GRID2: variants seen among roughly 807,000 people sequenced by gnomAD.
GRID2 encodes the protein glutamate ionotropic receptor delta type subunit 2, also known as glutamate receptor ionotropic, delta-2.
A neutral mutation model predicts 114.8 loss-of-function variants in GRID2; 33 were observed. The observed-to-expected ratio is 0.29, with a 90% CI of 0.22 to 0.38. The LOEUF (loss-of-function observed/expected upper bound fraction) is 0.38, where lower values mean the gene tolerates loss of function less well. GRID2 is among the 10% of genes least tolerant of loss of function. The pLI is 1.00. For synonymous variants in GRID2, 505 were observed against 449.9 expected (o/e 1.12, Z -1.55); for missense variants, 1,184 against 1,257.7 (o/e 0.94, Z 0.89).
chr4:93,213,117 A>G (rs1579309194), intron 5 of GRID2, among the ~76,000 whole-genome samples: 1 of 152,016 alleles, frequency 6.6e-6, no homozygotes, highest in Admixed American at 6.6e-5. Flanking sequence ...AAAAGCCTAT[A>G]TGTGTAATGG....
intron 4 of GRID2, among the ~76,000 whole-genome samples, chr4:93,124,114 A>G (rs1446103662): frequency 2.6e-4 from 26 of 98,646 alleles, no homozygotes; most frequent in African/African-American, 1.1e-3. Flanking sequence ...AATAAAAAAA[A>G]AAGAAAAAAA....
chr4:93,689,097 C>T (rs940959742), intron 14 of GRID2, among the ~76,000 whole-genome samples: 2 of 151,890 alleles, frequency 1.3e-5, no homozygotes, highest in Non-Finnish European at 2.9e-5. Context: ...AGAGAGAAGA[C>T]GACGTGAAGA....
Position 92,950,700 on chromosome 4 carries a change from C to G in GRID2, c.245-134295C>G, listed in dbSNP as rs114603232. Among the ~76,000 whole-genome samples, 987 of 152,216 alleles carry G rather than the reference C, an allele frequency of 6.5e-3. 5 individuals carry two copies. Among genetic ancestry groups the G allele is most frequent in the Middle Eastern group, 0.048 (14 of 292 alleles). On this transcript the variant is annotated intron_variant, in intron 2 of 15. Coordinates refer to ENST00000282020, the MANE Select transcript of GRID2 (RefSeq NM_001510.4). The stretch of plus-strand genomic sequence containing the variant: ...AAATCATCAGCCATGAAAATTGGTC[C>G]TTAATTTTGTCTTTACTTTCCATTA...
chr4:93,583,633 G>C (rs1237013812), intron 13 of GRID2, among the ~76,000 whole-genome samples: 2 of 152,088 alleles, frequency 1.3e-5, no homozygotes, highest in East Asian at 1.9e-4. Flanking sequence ...TCAGTAACTT[G>C]ACCAGCATTA....
At chr4:93,025,357 C>G (rs1723785345) in intron 2 of GRID2, among the ~76,000 whole-genome samples, 1 of 151,716 alleles carries the variant, frequency 6.6e-6, no homozygotes, top group African/African-American at 2.4e-5. Flanking sequence ...TAATCCCATG[C>G]AATACTAGAA....
In GRID2 at chr4:93,422,931, G is replaced by T; in HGVS notation, c.1508G>T (p.Gly503Val). 6.2e-7 allele frequency: 1 copy of T among 1,613,496 alleles called. No homozygotes were observed. The highest frequency in any genetic ancestry group is 1.1e-5 in the South Asian group (1 of 91,050). The stretch of plus-strand genomic sequence containing the variant: ...AAATACGGAAGCCCACAAGAAGATG[G>T]GACATGGAATGGCTTGGTAGGAGAA... ...DHKYGSPQED[G>V]TWNGLVGELV... is the part of the protein sequence containing the mutation. The change falls in exon 10 of 16, where the codon GGG (glycine) becomes GTG (valine). Residue 503 changes from glycine (G) to valine (V), a missense_variant. Around this residue, in one of 3 missense-constraint regions of GRID2, gnomAD observed 717 missense variants for 796.9 expected, o/e 0.90. Coordinates refer to ENST00000282020, the MANE Select transcript of GRID2 (RefSeq NM_001510.4).
At chr4:92,937,645 A>G (rs966292028) in intron 2 of GRID2, among the ~76,000 whole-genome samples, 5 of 146,772 alleles carry the variant, frequency 3.4e-5, no homozygotes, top group African/African-American at 1.2e-4. Flanking sequence ...TTACCCTGTT[A>G]TATTATTTTT....
intron 8 of GRID2, among the ~76,000 whole-genome samples, chr4:93,359,098 G>A (rs1221397456): frequency 6.6e-6 from 1 of 152,036 alleles, no homozygotes; most frequent in South Asian, 2.1e-4. Flanking sequence ...AGTCACCTAA[G>A]ATAGCTGATC....
At chr4:92,381,890 C>T (rs1244677002) in intron 1 of GRID2, among the ~76,000 whole-genome samples, 1 of 151,800 alleles carries the variant, frequency 6.6e-6, no homozygotes, top group Non-Finnish European at 1.5e-5. Flanking sequence ...ACTTAGTCAT[C>T]CACAGGAAAT....
At chr4:92,623,905 T>G (rs1730396148) in intron 2 of GRID2, among the ~76,000 whole-genome samples, 1 of 151,762 alleles carries the variant, frequency 6.6e-6, no homozygotes, top group African/African-American at 2.4e-5. Flanking sequence ...TATAAAAGGT[T>G]AGTCTGCAGT....
chr4:92,661,337 G>C (rs565972387), intron 2 of GRID2, among the ~76,000 whole-genome samples: 12 of 150,754 alleles, frequency 8.0e-5, no homozygotes, highest in Non-Finnish European at 1.6e-4. Flanking sequence ...TCTAATGTAA[G>C]ATTTCATTTT....
intron 2 of GRID2, among the ~76,000 whole-genome samples, chr4:92,864,258 C>T (rs1163935375): frequency 2.6e-5 from 4 of 152,154 alleles, no homozygotes; most frequent in Non-Finnish European, 5.9e-5. Flanking sequence ...ACCAAAACTT[C>T]TTAGTCACTT....
At chr4:92,597,054 G>T (rs1160249317) in intron 2 of GRID2, among the ~76,000 whole-genome samples, 1 of 151,358 alleles carries the variant, frequency 6.6e-6, no homozygotes, top group African/African-American at 2.4e-5. Flanking sequence ...GGAAAGACAG[G>T]TATTTTCTTT....
intron 2 of GRID2, among the ~76,000 whole-genome samples, chr4:92,779,126 A>G (rs1738942609): frequency 6.6e-6 from 1 of 151,978 alleles, no homozygotes; most frequent in Non-Finnish European, 1.5e-5. Context: ...GAAGAACTAT[A>G]GTAGCATTTC....
chr4:92,532,948 C>T (rs931550027), intron 1 of GRID2, among the ~76,000 whole-genome samples: 11 of 151,928 alleles, frequency 7.2e-5, no homozygotes, highest in Admixed American at 2.0e-4. Flanking sequence ...GGTGTGGTGG[C>T]GTGCACCTGT....
intron 14 of GRID2, among the ~76,000 whole-genome samples, chr4:93,702,435 A>G (rs1242445075): frequency 6.6e-6 from 1 of 152,138 alleles, no homozygotes; most frequent in Non-Finnish European, 1.5e-5. Context: ...TTCACTTTAA[A>G]TGCTTCACAG....
chr4:92,718,337 G>T (rs568664715), intron 2 of GRID2, among the ~76,000 whole-genome samples: 1 of 152,018 alleles, frequency 6.6e-6, no homozygotes, highest in Non-Finnish European at 1.5e-5. Context: ...TGTTTACATG[G>T]TGTTTTGCCA....
chr4:92,535,040 T>C (rs1725544885), intron 1 of GRID2, among the ~76,000 whole-genome samples: 1 of 152,176 alleles, frequency 6.6e-6, no homozygotes, highest in Non-Finnish European at 1.5e-5. Context: ...AATATTCTCA[T>C]TTAGGCCTGA....
intron 1 of GRID2, among the ~76,000 whole-genome samples, chr4:93,781,217 A>G (rs1311649765): frequency 6.6e-6 from 1 of 152,196 alleles, no homozygotes; most frequent in Non-Finnish European, 1.5e-5. Context: ...ATGAATGATG[A>G]ATTTTTAACA....
Sources: gnomAD v4.1 joint callset for allele counts (sites outside exome capture counted in the v4.1 genomes callset) on GRCh38, gnomAD v4.1.1 for gene constraint, gnomAD v4.1.1 regional missense constraint, MANE v1.5 for transcripts, NCBI Gene and HGNC (gene_info 2026-07-23, HGNC 2026-07-21) for gene names.